The following CUX1 variants were observed in gnomAD, a reference collection of about 807,000 sequenced individuals.
The protein encoded by CUX1 is protein CASP.
In CUX1, 31 loss-of-function variants were observed where a neutral mutation model predicts 158.8. The ratio of observed to expected loss-of-function variants is 0.20; its 90% confidence interval spans 0.15 to 0.26. The LOEUF (loss-of-function observed/expected upper bound fraction) is 0.26, where lower values mean the gene tolerates loss of function less well. CUX1 is among the 10% of genes least tolerant of loss of function. CUX1 has a pLI of 1.00. For missense variants in CUX1, 1,589 were observed against 2,014.6 expected, an observed-to-expected ratio of 0.79 and a Z score of 4.04; for synonymous variants, 879 against 862.1, an observed-to-expected ratio of 1.02 and a Z score of -0.34.
At chr7:102,223,425 A>C (rs1554527738) in intron 20 of CUX1, among the ~76,000 whole-genome samples, 1 of 152,046 alleles carries the variant, frequency 6.6e-6, no homozygotes, top group African/African-American at 2.4e-5. Context: ...TATAGAAACA[A>C]ATACATTTGA....
chr7:101,956,863 C>T (rs1441537487), intron 2 of CUX1, among the ~76,000 whole-genome samples: 2 of 152,166 alleles, frequency 1.3e-5, no homozygotes, highest in Non-Finnish European at 2.9e-5. Context: ...GCGGGAGGAT[C>T]GCTTGAGCCA....
chr7:101,862,101 T>C (rs1797519144), intron 1 of CUX1, among the ~76,000 whole-genome samples: 1 of 152,158 alleles, frequency 6.6e-6, no homozygotes, highest in Non-Finnish European at 1.5e-5. Context: ...TCCCAAAGTG[T>C]TGGGGTTACA....
downstream of CUX1, among the ~76,000 whole-genome samples, chr7:102,259,913 T>C (rs186304747): frequency 3.0e-4 from 45 of 151,208 alleles, no homozygotes; most frequent in African/African-American, 1.1e-3. Context: ...CTGGGCAACA[T>C]AGTGAGACCC....
chr7:102,118,672 A>G (rs1390313546), intron 8 of CUX1, among the ~76,000 whole-genome samples: 8 of 152,236 alleles, frequency 5.3e-5, no homozygotes. Flanking sequence ...TGAATGAGCT[A>G]TGAGCTGTCC....
intron 1 of CUX1, among the ~76,000 whole-genome samples, chr7:101,865,940 A>C (rs1165419218): frequency 1.3e-5 from 2 of 152,144 alleles, no homozygotes; most frequent in Non-Finnish European, 2.9e-5. Flanking sequence ...AAGAAGAGAG[A>C]TTTGGAATGC....
chr7:102,157,601 A>G (rs576325465), intron 8 of CUX1, among the ~76,000 whole-genome samples: 2 of 152,120 alleles, frequency 1.3e-5, no homozygotes, highest in East Asian at 1.9e-4. Flanking sequence ...CCAACATGGC[A>G]AAACCTTGTC....
intron 3 of CUX1, among the ~76,000 whole-genome samples, chr7:102,050,956 G>A (rs1450175659): frequency 1.3e-5 from 2 of 152,032 alleles, no homozygotes; most frequent in African/African-American, 4.8e-5. Context: ...TTCCTGGTCT[G>A]GTCTGTCTAC....
intron 1 of CUX1, among the ~76,000 whole-genome samples, chr7:101,900,683 T>C (rs1438389142): frequency 2.6e-5 from 4 of 152,000 alleles, no homozygotes; most frequent in African/African-American, 9.7e-5. Flanking sequence ...TTTTATTTGC[T>C]AATTAAAATG....
intron 8 of CUX1, among the ~76,000 whole-genome samples, chr7:102,133,328 T>C (rs1833529837): frequency 1.3e-5 from 2 of 152,082 alleles, no homozygotes; most frequent in African/African-American, 4.8e-5. Flanking sequence ...GATCCTGCCC[T>C]GCCTTGCCTG....
intron 8 of CUX1, among the ~76,000 whole-genome samples, chr7:102,157,431 G>A (rs570705549): frequency 3.3e-5 from 5 of 152,222 alleles, no homozygotes; most frequent in South Asian, 4.2e-4. Context: ...TGGTCTGCCC[G>A]GGTGTGCTGC....
At chr7:102,165,878 T>C (rs997404428) in intron 9 of CUX1, among the ~76,000 whole-genome samples, 1 of 152,120 alleles carries the variant, frequency 6.6e-6, no homozygotes, top group Non-Finnish European at 1.5e-5. Flanking sequence ...GAGGCTCCCC[T>C]GGGTCTCACG....
At chr7:102,243,098 A>T (rs56377525) in intron 23 of CUX1, among the ~76,000 whole-genome samples, 31,016 of 151,460 alleles carry the variant, frequency 0.2, 3,768 homozygotes, top group Non-Finnish European at 0.28. Context: ...ACATGATGAA[A>T]CCCCGTCTCT....
chr7:102,283,152 C>A lies in CUX1; in HGVS notation c.*62C>A, dbSNP rs1252765783. The A allele has an allele frequency of 3.5e-5, 47 of 1,349,206 alleles. 1 individual carries two copies. The highest frequency in any genetic ancestry group is 3.7e-5 in the Non-Finnish European group (35 of 940,678). 83.6% of individuals were successfully genotyped at this position (1,349,206 alleles called of 1,614,324 possible). ...CCTCCACCCCGACTGCTCAGTGCAT[C>A]TAATCACTTAGACTCCCCTGAAGAA... is the stretch of plus-strand genomic sequence containing the variant. On this transcript the variant is annotated 3_prime_UTR_variant, in exon 23 of 23. Coordinates refer to the CUX1 transcript ENST00000292538.
chr7:101,835,570 ATTTATTTT>A (rs1240003764), intron 1 of CUX1, among the ~76,000 whole-genome samples: 3 of 151,870 alleles, frequency 2.0e-5, no homozygotes, highest in African/African-American at 2.4e-5. Context: ...TATTTTATTT[ATTTATTTT>A]TTTATTTTTG....
At chr7:101,932,745 T>C (rs1183580340) in intron 2 of CUX1, 1 of 385,214 alleles carries the variant, frequency 2.6e-6, no homozygotes, top group East Asian at 7.5e-5. Flanking sequence ...TTTGCCGCCA[T>C]CAAGAAAAAA....
chr7:101,986,318 G>A (rs1000638434), intron 2 of CUX1, among the ~76,000 whole-genome samples: 4 of 152,042 alleles, frequency 2.6e-5, no homozygotes, highest in Non-Finnish European at 5.9e-5. Context: ...TCCTTTTTTG[G>A]GCTGTGACCC....
chr7:101,958,670 G>A (rs749285939), intron 2 of CUX1, among the ~76,000 whole-genome samples: 3 of 151,010 alleles, frequency 2.0e-5, no homozygotes, highest in African/African-American at 7.3e-5. Flanking sequence ...AGTAGAGACG[G>A]GGTTTCACCA....
intron 19 of CUX1, among the ~76,000 whole-genome samples, chr7:102,280,285 G>A (rs527683829): frequency 6.6e-6 from 1 of 152,018 alleles, no homozygotes; most frequent in Non-Finnish European, 1.5e-5. Context: ...CGCCAGCCCT[G>A]CACACCCTGG....
chr7:101,864,161 A>G (rs1797729933), intron 1 of CUX1, among the ~76,000 whole-genome samples: 1 of 149,318 alleles, frequency 6.7e-6, no homozygotes, highest in Non-Finnish European at 1.5e-5. Flanking sequence ...CATTTTCTGG[A>G]TTGTTTTTTT....
Sources: allele counts gnomAD v4.1 joint callset (sites outside exome capture counted in the v4.1 genomes callset), GRCh38; gene constraint gnomAD v4.1.1; transcripts MANE v1.5; gene names NCBI Gene and HGNC (gene_info 2026-07-23, HGNC 2026-07-21).